Variants in MAST4 observed in about 807,000 individuals in gnomAD.
MAST4 encodes the protein microtubule associated serine/threonine kinase family member 4, also known as microtubule-associated serine/threonine-protein kinase 4.
MAST4 carries 89 observed loss-of-function variants against 162.7 expected under a neutral mutation model. The ratio of observed to expected loss-of-function variants is 0.55; its 90% CI spans 0.46 to 0.65. The LOEUF (loss-of-function observed/expected upper bound fraction) is 0.65. MAST4 is among the 30% of genes least tolerant of loss of function. The probability of loss-of-function intolerance (pLI) is 0.00; values close to 1 mark genes in which losing one functional copy is unlikely to be tolerated. For missense variants in MAST4, 3,153 were observed against 3,374.0 expected (o/e 0.93, Z 1.62); for synonymous variants, 1,479 against 1,361.1 (o/e 1.09, Z -1.91).
chr5:67,079,772 G>A (rs1204953810), intron 5 of MAST4, among the ~76,000 whole-genome samples: 3 of 152,196 alleles, frequency 2.0e-5, no homozygotes, highest in East Asian at 1.9e-4. Context: ...GCAGATCGAA[G>A]GTTGCCCCTG....
intron 1 of MAST4, among the ~76,000 whole-genome samples, chr5:66,616,789 G>A (rs770391145): frequency 2.0e-5 from 3 of 152,182 alleles, no homozygotes; most frequent in Non-Finnish European, 2.9e-5. Flanking sequence ...AGCAAATTCT[G>A]GACAAGAAGA....
At chr5:66,959,538 G>A (rs1434687491) in intron 4 of MAST4, among the ~76,000 whole-genome samples, 1 of 152,182 alleles carries the variant, frequency 6.6e-6, no homozygotes, top group East Asian at 1.9e-4. Context: ...CCCAGTTCTG[G>A]AAACATCTTA....
At chr5:67,093,953 G>A (rs1382084167) in intron 6 of MAST4, among the ~76,000 whole-genome samples, 1 of 152,084 alleles carries the variant, frequency 6.6e-6, no homozygotes, top group East Asian at 1.9e-4. Flanking sequence ...ATCAACCAGT[G>A]TCCATTTAAT....
At chr5:66,675,820 C>T (rs757336392) in intron 1 of MAST4, among the ~76,000 whole-genome samples, 1 of 152,134 alleles carries the variant, frequency 6.6e-6, no homozygotes, top group Non-Finnish European at 1.5e-5. Flanking sequence ...TTCAGGACAC[C>T]AGCTGCGTCT....
chr5:66,683,932 G>T (rs2149487745), intron 1 of MAST4, among the ~76,000 whole-genome samples: 1 of 152,338 alleles, frequency 6.6e-6, no homozygotes, highest in South Asian at 2.1e-4. Context: ...AGAAAAGTTG[G>T]AGTGGAGGGC....
In MAST4 at chr5:67,163,871, T is replaced by C; in HGVS notation, c.4692T>C (p.Phe1564=). The C allele has an allele frequency of 6.2e-7, 1 of 1,614,002 alleles. No homozygotes were observed. The highest frequency in any genetic ancestry group is 8.5e-7 in the Non-Finnish European group (1 of 1,179,880). ...SHGPGSDLEN[F]ALFKLEEREK... ...GACCCGGGAGTGATTTGGAAAACTT[T>C]GCTCTGTTTAAGCTGGAAGAGAGAG... The change falls in exon 29 of 29, where the codon TTT becomes TTC. Residue 1564 remains phenylalanine, a synonymous_variant. Transcript: ENST00000403625. This position sits in a 1 kb window ranked among gnomAD's most constrained non-coding sequence, Gnocchi z 7.0.
At chr5:66,740,716 T>G (rs1646641778) in intron 1 of MAST4, among the ~76,000 whole-genome samples, 1 of 152,184 alleles carries the variant, frequency 6.6e-6, no homozygotes, top group South Asian at 2.1e-4. Context: ...GTGGAGCCTC[T>G]TCCACCTGTG....
chr5:66,905,212 C>A (rs1393391130), intron 4 of MAST4, among the ~76,000 whole-genome samples: 1 of 146,566 alleles, frequency 6.8e-6, no homozygotes, highest in Non-Finnish European at 1.5e-5. Flanking sequence ...GAGGCTGAGG[C>A]AGGAGAATCA....
At chr5:66,628,748 A>G (rs74412982) in intron 1 of MAST4, among the ~76,000 whole-genome samples, 2,255 of 152,270 alleles carry the variant, frequency 0.015, 57 homozygotes, top group African/African-American at 0.051. Flanking sequence ...TCGTAGCATT[A>G]TAACAGCCTT....
At chr5:66,808,890 G>A (rs940426366) in intron 3 of MAST4, among the ~76,000 whole-genome samples, 45 of 152,152 alleles carry the variant, frequency 3.0e-4, no homozygotes, top group African/African-American at 1.0e-3. Context: ...CCTTTTCCCT[G>A]CCTTCGTGGA....
At chr5:66,671,328 G>A (rs1747598666) in intron 1 of MAST4, among the ~76,000 whole-genome samples, 1 of 152,152 alleles carries the variant, frequency 6.6e-6, no homozygotes, top group African/African-American at 2.4e-5. Flanking sequence ...TCCTCCTGCT[G>A]TGTTTCCAGC....
intron 3 of MAST4, among the ~76,000 whole-genome samples, chr5:66,864,480 G>A (rs961190603): frequency 2.0e-5 from 3 of 152,170 alleles, no homozygotes; most frequent in Non-Finnish European, 4.4e-5. Flanking sequence ...GGGAAGGGCA[G>A]GGGAGGTATG....
intron 3 of MAST4, among the ~76,000 whole-genome samples, chr5:66,881,312 G>A (rs26915): frequency 0.85 from 129,481 of 152,178 alleles, 55,584 homozygotes; most frequent in Non-Finnish European, 0.92. Context: ...ACATGCATAA[G>A]ATAAAGAATA....
At chr5:67,108,656 T>C (rs1027234913) in intron 10 of MAST4, among the ~76,000 whole-genome samples, 3 of 152,196 alleles carry the variant, frequency 2.0e-5, no homozygotes, top group Non-Finnish European at 2.9e-5. Context: ...TTTATTTTAA[T>C]GTCAAAAGTT....
chr5:66,751,198 A>G (rs1215760378), intron 1 of MAST4, among the ~76,000 whole-genome samples: 1 of 152,132 alleles, frequency 6.6e-6, no homozygotes, highest in African/African-American at 2.4e-5. Flanking sequence ...GATGGGGAAA[A>G]AACAGAACAG....
chr5:67,113,313 C>CAAA (rs34018550), intron 11 of MAST4, among the ~76,000 whole-genome samples: 258 of 67,014 alleles, frequency 3.8e-3, no homozygotes, highest in Admixed American at 4.4e-3. Flanking sequence ...GACTCCGTCT[C>CAAA]AAAAAAAAAA....
At chr5:67,123,676 A>T (rs559380034) in intron 14 of MAST4, among the ~76,000 whole-genome samples, 1 of 152,208 alleles carries the variant, frequency 6.6e-6, no homozygotes, top group Non-Finnish European at 1.5e-5. Context: ...TCCAGTGAAC[A>T]CTTCCACCAG....
Position 67,136,022 on chromosome 5 carries a change from C to CTGTT in MAST4, c.2393-515_2393-512dup, listed in dbSNP as rs3071868. ...TCTTCTTCAGTCTTAGCACTTTGACCTGTTTGTTTGTTTGTTTGTTTGTTT... is the reference window on the plus strand; with the variant it reads ...TCTTCTTCAGTCTTAGCACTTTGACCTGTTTGTTTGTTTGTTTGTTTGTTTGTTT... On this transcript the variant is annotated intron_variant, in intron 18 of 28. Coordinates refer to ENST00000403625, the MANE Select transcript of MAST4 (RefSeq NM_001164664.2). Among the ~76,000 whole-genome samples the CTGTT allele has an allele frequency of 6.1e-3, 920 of 151,768 alleles. 5 individuals are homozygous for CTGTT. The highest frequency in any genetic ancestry group is 0.014 in the African/African-American group (598 of 41,342).
chr5:67,132,912 ATTCTT>A (rs1175542025), intron 16 of MAST4, among the ~76,000 whole-genome samples: 2 of 152,108 alleles, frequency 1.3e-5, no homozygotes, highest in Non-Finnish European at 2.9e-5. Context: ...AAATACCTCT[ATTCTT>A]TTAATTTTTA....
Sources: gnomAD v4.1 joint callset for allele counts (sites outside exome capture counted in the v4.1 genomes callset) on GRCh38, gnomAD v4.1.1 for gene constraint, Gnocchi (gnomAD v3.1) non-coding constraint, MANE v1.5 for transcripts, NCBI Gene and HGNC (gene_info 2026-07-23, HGNC 2026-07-21) for gene names.